Variants in RTKN2 observed in about 807,000 individuals in gnomAD.
The protein encoded by RTKN2 is rhotekin 2.
A neutral mutation model predicts 71.5 loss-of-function variants in RTKN2; 69 were observed. The ratio of observed to expected loss-of-function variants is 0.96; its 90% CI spans 0.79 to 1.18. The LOEUF (loss-of-function observed/expected upper bound fraction) is 1.18. RTKN2 is among the 50% of genes most tolerant of loss of function. The pLI is 0.00. For missense variants in RTKN2, 724 were observed against 719.7 expected (o/e 1.01, Z -0.07); for synonymous variants, 236 against 236.5 (o/e 1.00, Z 0.02).
intron 9 of RTKN2, among the ~76,000 whole-genome samples, chr10:62,209,590 A>G (rs1412036112): frequency 6.6e-6 from 1 of 151,970 alleles, no homozygotes; most frequent in African/African-American, 2.4e-5. Flanking sequence ...ACTATTAGTT[A>G]TTTTTCCTGA....
rs755184699 is a variant in RTKN2 at position 62,199,831 on chromosome 10, A to G, written c.1217T>C (p.Met406Thr). The change falls in exon 11 of 12, where the codon ATG becomes ACG. Residue 406 changes from methionine to threonine, a missense_variant. Transcript: ENST00000373789. ...SQWKHCCEEL[M>T]KIEIMSPRKP... ...CCGTGGTGACATAATCTCAATTTTC[A>G]TAAGTTCTTCACAACAGTGCTTCCA... The G allele has an allele frequency of 5.0e-6, 8 of 1,613,424 alleles. No homozygotes were observed. Among genetic ancestry groups the G allele is most frequent in the East Asian group, 2.2e-5 (1 of 44,836 alleles).
intron 2 of RTKN2, among the ~76,000 whole-genome samples, chr10:62,256,031 T>TA (rs1253075395): frequency 6.6e-6 from 1 of 151,860 alleles, no homozygotes; most frequent in African/African-American, 2.4e-5. Context: ...TCTTTTTTTT[T>TA]TTTTTGAGAC....
At chr10:62,215,587 G>C (rs148298610) in intron 9 of RTKN2, among the ~76,000 whole-genome samples, 12 of 151,956 alleles carry the variant, frequency 7.9e-5, no homozygotes, top group African/African-American at 2.7e-4. Flanking sequence ...TTATGAAAAA[G>C]TGTCCTTGGT....
At chr10:62,185,032 C>T (rs1403976032) in intron 8 of RTKN2, among the ~76,000 whole-genome samples, 1 of 152,172 alleles carries the variant, frequency 6.6e-6, no homozygotes, top group Non-Finnish European at 1.5e-5. Context: ...TCCCCAACTC[C>T]CAGGAAATCT....
chr10:62,194,333 T>G lies in RTKN2; in HGVS notation c.*3575A>C, dbSNP rs1465847034. ...GCAATGAAGCAGTTGCACACAAACA[T>G]GTAAACATATGTAAACATTTAAAAA... is the stretch of plus-strand genomic sequence containing the variant. On this transcript the variant is annotated 3_prime_UTR_variant, in exon 12 of 12. Transcript: ENST00000373789. 1.0e-6 allele frequency: 1 copy of G among 984,408 alleles called. No homozygotes were observed. The highest frequency in any genetic ancestry group is 1.7e-5 in the African/African-American group (1 of 57,334). The allele number at this position is 984,408 out of a possible 1,614,324, so 61.0% of individuals were successfully genotyped here. A position where few individuals can be genotyped will look rare whatever the true frequency, so the allele number is the denominator to read the frequency against.
chr10:62,227,324 T>C (rs1030383623), intron 6 of RTKN2, among the ~76,000 whole-genome samples: 1 of 152,056 alleles, frequency 6.6e-6, no homozygotes, highest in Non-Finnish European at 1.5e-5. Flanking sequence ...CTATTTCAGA[T>C]GGCCAAAGGA....
At chr10:62,236,348 T>G in intron 5 of RTKN2, 85 bp from the exon 6 acceptor site, 6 of 893,514 alleles carry the variant, frequency 6.7e-6, no homozygotes, top group Non-Finnish European at 1.0e-5. Flanking sequence ...ATGTAACATT[T>G]AAAATCAGCA....
chr10:62,262,764 T>G lies in RTKN2; in HGVS notation c.118A>C (p.Lys40Gln). 6.2e-7 allele frequency: 1 copy of G among 1,613,252 alleles called. No individual in the cohort carries two copies. Among genetic ancestry groups the G allele is most frequent in the Non-Finnish European group, 8.5e-7 (1 of 1,179,624 alleles). ...LEIRMREGIWKLLSLSTQKDQ... is the reference protein window; with the variant it reads ...LEIRMREGIWQLLSLSTQKDQ... ...TTCTGAGTGCTCAGAGAAAGGAGTT[T>G]CCATATTCCTTCTCGCATTCGAATT... The change falls in exon 2 of 12, where the codon AAA becomes CAA. Residue 40 changes from lysine (K) to glutamine (Q), a missense_variant. Coordinates refer to ENST00000373789, the MANE Select transcript of RTKN2 (RefSeq NM_145307.4).
Position 62,196,498 on chromosome 10 carries a change from C to T in RTKN2, c.*1410G>A. On this transcript the variant is annotated 3_prime_UTR_variant, in exon 12 of 12. Transcript: ENST00000373789. ...TCATTCTCTATAAATGGAAAAGACC[C>T]CGCTATCTGAAAATAATGAAAGGCT... The T allele has an allele frequency of 1.0e-6, 1 of 985,146 alleles. No homozygotes were observed. The highest frequency in any genetic ancestry group is 1.1e-4 in the East Asian group (1 of 8,806). 61.0% of individuals were successfully genotyped at this position (985,146 alleles called of 1,614,324 possible).
intron 6 of RTKN2, among the ~76,000 whole-genome samples, chr10:62,229,901 T>C (rs1267777879): frequency 6.6e-6 from 1 of 152,198 alleles, no homozygotes; most frequent in Non-Finnish European, 1.5e-5. Context: ...AAATTATTGA[T>C]AGCCTCCTCT....
intron 2 of RTKN2, among the ~76,000 whole-genome samples, chr10:62,255,353 A>G (rs1305724926): frequency 6.6e-6 from 1 of 152,200 alleles, no homozygotes; most frequent in Non-Finnish European, 1.5e-5. Context: ...CAGTAAAGGG[A>G]GCCAGGTGTC....
chr10:62,252,429 G>T (rs926568836), intron 2 of RTKN2, among the ~76,000 whole-genome samples: 1 of 152,058 alleles, frequency 6.6e-6, no homozygotes, highest in East Asian at 1.9e-4. Flanking sequence ...TCATGTGGAA[G>T]AATCTTCTAG....
intron 7 of RTKN2, among the ~76,000 whole-genome samples, chr10:62,221,322 C>T (rs7920326): frequency 0.76 from 115,348 of 151,854 alleles, 43,892 homozygotes; most frequent in East Asian, 0.9. Context: ...GATGTATAAC[C>T]TTAATTCAAA....
intron 9 of RTKN2, among the ~76,000 whole-genome samples, chr10:62,207,771 G>C (rs1841577269): frequency 6.6e-6 from 1 of 151,892 alleles, no homozygotes; most frequent in Non-Finnish European, 1.5e-5. Flanking sequence ...AACAGGAAAA[G>C]AACAACTCAA....
chr10:62,231,027 C>G (rs973503034), intron 6 of RTKN2, among the ~76,000 whole-genome samples: 3 of 152,074 alleles, frequency 2.0e-5, no homozygotes, highest in Admixed American at 1.3e-4. Flanking sequence ...TCTGTCACAT[C>G]ACCAAATCTT....
intron 9 of RTKN2, chr10:62,214,901 G>T: frequency 4.1e-6 from 2 of 487,470 alleles, no homozygotes; most frequent in East Asian, 6.8e-5. Context: ...TACTCATTAG[G>T]AAAAGGGTGA....
intron 7 of RTKN2, among the ~76,000 whole-genome samples, chr10:62,221,549 A>C (rs1246287740): frequency 6.6e-6 from 1 of 151,848 alleles, no homozygotes; most frequent in Non-Finnish European, 1.5e-5. Context: ...TAACATAAAA[A>C]TAAGTACAGT....
At chr10:62,184,299 G>C (rs1841100609) in exon 9 of RTKN2, 1 of 1,458,004 alleles carries the variant, frequency 6.9e-7, no homozygotes, top group East Asian at 2.5e-5. Flanking sequence ...TTTCACACTG[G>C]TTCTAATGAA....
intron 10 of RTKN2, among the ~76,000 whole-genome samples, chr10:62,202,212 G>T (rs1841458420): frequency 6.6e-6 from 1 of 151,816 alleles, no homozygotes; most frequent in Non-Finnish European, 1.5e-5. Flanking sequence ...CATCCCCCTT[G>T]CCCACCAACA....
Sources: gnomAD v4.1 joint callset for allele counts (sites outside exome capture counted in the v4.1 genomes callset) on GRCh38, gnomAD v4.1.1 for gene constraint, MANE v1.5 for transcripts, NCBI Gene and HGNC (gene_info 2026-07-23, HGNC 2026-07-21) for gene names.